Variants in NTN4 observed in about 807,000 individuals in gnomAD.
NTN4 encodes netrin-4.
A neutral mutation model predicts 73.6 loss-of-function variants in NTN4; 32 were observed. The ratio of observed to expected loss-of-function variants is 0.44; its 90% CI spans 0.33 to 0.58. The LOEUF (loss-of-function observed/expected upper bound fraction) is 0.58, where lower values mean the gene tolerates loss of function less well. NTN4 is among the 20% of genes least tolerant of loss of function. The pLI is 0.04. For synonymous variants in NTN4, 258 were observed against 287.5 expected (o/e 0.90, Z 1.04); for missense variants, 654 against 798.3 (o/e 0.82, Z 2.18).
rs114565795 is a variant in NTN4, at chr12:95,733,129, C to G, written c.864+4737G>C. Reference sequence around the variant, plus strand: ...CAGTATTCTAAGGCCTCCATGTTATCCAGTGGATGATAATTGAATAAAATA... The same window carrying G: ...CAGTATTCTAAGGCCTCCATGTTATGCAGTGGATGATAATTGAATAAAATA... On this transcript the variant is annotated intron_variant, in intron 3 of 9. Transcript: ENST00000343702. 9.4e-3 allele frequency among the ~76,000 whole-genome samples: 1,425 copies of G among 152,352 alleles called. 27 individuals are homozygous for G. Among genetic ancestry groups the G allele is most frequent in the African/African-American group, 0.032 (1,338 of 41,580 alleles).
At chr12:95,760,295 G>A (rs963067458) in intron 2 of NTN4, among the ~76,000 whole-genome samples, 2 of 152,152 alleles carry the variant, frequency 1.3e-5, no homozygotes, top group African/African-American at 2.4e-5. Context: ...CAGACTCATA[G>A]GAATACTAAG....
chr12:95,695,939 TTTTC>T (rs1050724400), intron 5 of NTN4, among the ~76,000 whole-genome samples: 12 of 142,174 alleles, frequency 8.4e-5, no homozygotes, highest in Middle Eastern at 3.6e-3. Context: ...TTCTTTTCTC[TTTTC>T]TTTCTTTCCC....
chr12:95,761,115 A>C (rs939316018), intron 2 of NTN4, among the ~76,000 whole-genome samples: 5 of 152,162 alleles, frequency 3.3e-5, no homozygotes. Context: ...TGAAAATTAC[A>C]ACAGCTCTGG....
At chr12:95,708,433 G>T (rs898821214) in intron 5 of NTN4, among the ~76,000 whole-genome samples, 1 of 151,586 alleles carries the variant, frequency 6.6e-6, no homozygotes, top group African/African-American at 2.4e-5. Flanking sequence ...AACTACAGGC[G>T]CCCGCCACCA....
intron 7 of NTN4, among the ~76,000 whole-genome samples, chr12:95,681,149 A>C (rs1051887582): frequency 6.9e-6 from 1 of 145,356 alleles, no homozygotes; most frequent in Non-Finnish European, 1.5e-5. Flanking sequence ...AGATTGTGCC[A>C]CTGCACTCCA....
At position 95,787,419 on chromosome 12, in the gene NTN4, G is replaced by A. The variant is rs2079177440; in HGVS notation, c.105C>T (p.Asn35=). The part of the protein sequence containing the change: ...GVSSRCEKAC[N]PRMGNLALGR... The stretch of plus-strand genomic sequence containing the variant: ...CCAAAGCCAAATTTCCCATCCGAGG[G>A]TTGCAGGCTTTTTCACAGCGGGAAC... The change falls in exon 2 of 10, where the codon AAC becomes AAT. Residue 35 remains asparagine (N), a synonymous_variant. Coordinates refer to ENST00000343702, the MANE Select transcript of NTN4 (RefSeq NM_021229.4). The A allele has an allele frequency of 6.2e-7, 1 of 1,614,190 alleles. No individual in the cohort carries two copies. The highest frequency in any genetic ancestry group is 8.5e-7 in the Non-Finnish European group (1 of 1,180,036).
chr12:95,697,019 A>T (rs754844905), intron 5 of NTN4, among the ~76,000 whole-genome samples: 2 of 152,052 alleles, frequency 1.3e-5, no homozygotes, highest in Non-Finnish European at 2.9e-5. Context: ...AAAATAAAAA[A>T]AAAAAATTAG....
chr12:95,705,807 T>C (rs2078518463), intron 5 of NTN4, among the ~76,000 whole-genome samples: 1 of 152,202 alleles, frequency 6.6e-6, no homozygotes, highest in Admixed American at 6.5e-5. Flanking sequence ...CTCACTAGAC[T>C]TTGTTAGCTT....
intron 2 of NTN4, among the ~76,000 whole-genome samples, chr12:95,762,747 T>C (rs2078996796): frequency 6.6e-6 from 1 of 152,206 alleles, no homozygotes; most frequent in African/African-American, 2.4e-5. Flanking sequence ...AGTAGAGATT[T>C]ATATAGGAGA....
chr12:95,751,438 A>G (rs1332270787), intron 2 of NTN4, among the ~76,000 whole-genome samples: 1 of 152,234 alleles, frequency 6.6e-6, no homozygotes, highest in Non-Finnish European at 1.5e-5. Context: ...CTCCTCCCAC[A>G]GGAGCTTGCT....
chr12:95,727,602 A>C (rs575911652), intron 3 of NTN4, among the ~76,000 whole-genome samples: 1 of 152,074 alleles, frequency 6.6e-6, no homozygotes, highest in Non-Finnish European at 1.5e-5. Context: ...AATTTTTGTT[A>C]ATTTTGGCCA....
intron 2 of NTN4, among the ~76,000 whole-genome samples, chr12:95,772,132 T>C (rs2079062637): frequency 6.6e-6 from 1 of 152,112 alleles, no homozygotes; most frequent in Non-Finnish European, 1.5e-5. Flanking sequence ...TCAGCCTCTC[T>C]AGGCTCAGGT....
intron 2 of NTN4, among the ~76,000 whole-genome samples, chr12:95,780,838 A>G (rs1246350389): frequency 1.3e-5 from 2 of 152,248 alleles, no homozygotes; most frequent in African/African-American, 4.8e-5. Context: ...GCTGCTATAA[A>G]GATACATGCA....
At position 95,781,209 on chromosome 12, in the gene NTN4, G is replaced by A. The variant is rs111368414; in HGVS notation, c.585+5730C>T. ...AAGAGATATACCTTATGTAAATGAC[G>A]AGTTAATGGGTGCAGCACACCAGCA... On this transcript the variant is annotated intron_variant, in intron 2 of 9. Coordinates refer to ENST00000343702, the MANE Select transcript of NTN4 (RefSeq NM_021229.4). This position sits in a 1 kb window ranked among gnomAD's most constrained non-coding sequence, Gnocchi z 4.1. Among the ~76,000 whole-genome samples, 3 of 152,132 alleles carry A rather than the reference G, an allele frequency of 2.0e-5. No individual in the cohort carries two copies. Among genetic ancestry groups the A allele is most frequent in the Admixed American group, 1.3e-4 (2 of 15,270 alleles).
intron 5 of NTN4, among the ~76,000 whole-genome samples, chr12:95,707,911 AG>A: frequency 6.6e-6 from 1 of 152,316 alleles, no homozygotes; most frequent in South Asian, 2.1e-4. Flanking sequence ...TCTGCTTAGT[AG>A]TTCAGACATT....
chr12:95,717,198 A>G (rs919353095), intron 3 of NTN4, among the ~76,000 whole-genome samples: 2 of 152,178 alleles, frequency 1.3e-5, no homozygotes, highest in African/African-American at 2.4e-5. Context: ...AAGGAGCTCA[A>G]CCATCATCAT....
rs1301528713 is a variant in NTN4, at chr12:95,658,961, G to T, written c.*125C>A. 3 of 783,606 alleles carry T rather than the reference G, an allele frequency of 3.8e-6. No homozygotes were observed. Among genetic ancestry groups the T allele is most frequent in the Non-Finnish European group, 4.1e-6 (2 of 490,744 alleles). 48.5% of individuals were successfully genotyped at this position (783,606 alleles called of 1,614,324 possible). ...AAGAGATAAGTTAGATAAGACCCAT[G>T]CATTCAAACATTTCTATATGTTTTG... is the stretch of plus-strand genomic sequence containing the variant. On this transcript the variant is annotated 3_prime_UTR_variant, in exon 10 of 10. Transcript: ENST00000343702.
intron 3 of NTN4, among the ~76,000 whole-genome samples, chr12:95,721,509 G>A (rs1225608734): frequency 6.6e-6 from 1 of 152,160 alleles, no homozygotes; most frequent in Non-Finnish European, 1.5e-5. Flanking sequence ...GCCTCAACAA[G>A]TCCTTACTAG....
At chr12:95,684,076 G>A (rs542945352) in intron 5 of NTN4, among the ~76,000 whole-genome samples, 117 of 152,294 alleles carry the variant, frequency 7.7e-4, no homozygotes, top group Non-Finnish European at 1.3e-3. Context: ...GCCAAAGAAG[G>A]TTTCAAGGAG....
Sources: allele counts gnomAD v4.1 joint callset (sites outside exome capture counted in the v4.1 genomes callset), GRCh38; gene constraint gnomAD v4.1.1; non-coding constraint Gnocchi (gnomAD v3.1); transcripts MANE v1.5; gene names NCBI Gene and HGNC (gene_info 2026-07-23, HGNC 2026-07-21).